Variants in RABGAP1L observed in about 807,000 individuals in gnomAD.
The protein encoded by RABGAP1L is rab GTPase-activating protein 1-like.
In RABGAP1L, 63 loss-of-function variants were observed where a neutral mutation model predicts 137.7. The ratio of observed to expected loss-of-function variants is 0.46; its 90% CI spans 0.37 to 0.56. The LOEUF is 0.56. Among genes scored for constraint, RABGAP1L ranks in the 20% least tolerant of loss-of-function variants. The pLI, the probability that RABGAP1L is intolerant of heterozygous loss-of-function variation, is 0.00. For missense variants in RABGAP1L, 1,095 were observed against 1,244.0 expected, an observed-to-expected ratio of 0.88 and a Z score of 1.80; for synonymous variants, 431 against 433.7, an observed-to-expected ratio of 0.99 and a Z score of 0.08.
At chr1:174,870,850 G>A (rs556403772) in intron 19 of RABGAP1L, among the ~76,000 whole-genome samples, 1 of 150,630 alleles carries the variant, frequency 6.6e-6, no homozygotes, top group African/African-American at 2.4e-5. Context: ...CCATTCTCCT[G>A]CCTCAGCCTC....
At chr1:174,804,173 T>C (rs928563597) in intron 18 of RABGAP1L, among the ~76,000 whole-genome samples, 38 of 151,812 alleles carry the variant, frequency 2.5e-4, no homozygotes, top group Non-Finnish European at 4.3e-4. Context: ...TCTGTAAGTG[T>C]GTGATATTTG....
intron 21 of RABGAP1L, among the ~76,000 whole-genome samples, chr1:174,971,274 AAAT>A (rs1167051471): frequency 6.6e-6 from 1 of 150,992 alleles, no homozygotes; most frequent in East Asian, 1.9e-4. Flanking sequence ...ATATAATACT[AAAT>A]AATATATATA....
chr1:174,503,963 C>CT (rs201017645), intron 13 of RABGAP1L, among the ~76,000 whole-genome samples: 5,147 of 116,142 alleles, frequency 0.044, 116 homozygotes, highest in Middle Eastern at 0.099. Flanking sequence ...TCAATAGACT[C>CT]TTTTTTTTTT....
chr1:174,706,080 C>T (rs444678), intron 17 of RABGAP1L, among the ~76,000 whole-genome samples: 88,346 of 151,968 alleles, frequency 0.58, 27,987 homozygotes, highest in African/African-American at 0.85. Context: ...AAGAAAGACA[C>T]TGAGTTTGAA....
intron 19 of RABGAP1L, among the ~76,000 whole-genome samples, chr1:174,900,704 G>T (rs1447608671): frequency 1.3e-5 from 2 of 152,240 alleles, no homozygotes; most frequent in South Asian, 4.2e-4. Context: ...ATTTTTAGTA[G>T]AGACAGGGTT....
intron 11 of RABGAP1L, among the ~76,000 whole-genome samples, chr1:174,317,242 T>A (rs61828624): frequency 0.11 from 16,375 of 151,868 alleles, 987 homozygotes; most frequent in East Asian, 0.22. Flanking sequence ...CTACAGCTAG[T>A]AATGTGCTGA....
chr1:174,561,987 A>G (rs1667248300), intron 13 of RABGAP1L, among the ~76,000 whole-genome samples: 1 of 152,242 alleles, frequency 6.6e-6, no homozygotes, highest in African/African-American at 2.4e-5. Flanking sequence ...ATGGCAACAA[A>G]AGCCAAAATT....
At chr1:174,766,101 T>C (rs926649763) in intron 18 of RABGAP1L, among the ~76,000 whole-genome samples, 1 of 152,122 alleles carries the variant, frequency 6.6e-6, no homozygotes, top group Non-Finnish European at 1.5e-5. Flanking sequence ...GACACAGACA[T>C]GTATGGAGAG....
chr1:174,946,953 T>G (rs1666950456), intron 19 of RABGAP1L, among the ~76,000 whole-genome samples: 1 of 114,366 alleles, frequency 8.7e-6, no homozygotes, highest in South Asian at 3.0e-4. Context: ...TGTGTGTGTG[T>G]GTGTGTGTGT....
At chr1:174,478,297 A>T (rs1195289001) in intron 13 of RABGAP1L, among the ~76,000 whole-genome samples, 2 of 151,462 alleles carry the variant, frequency 1.3e-5, no homozygotes, top group South Asian at 4.2e-4. Context: ...TTGAGACAGG[A>T]TCTCAGTCTG....
intron 13 of RABGAP1L, among the ~76,000 whole-genome samples, chr1:174,539,964 G>A (rs1231429502): frequency 2.0e-5 from 3 of 152,126 alleles, no homozygotes; most frequent in Non-Finnish European, 2.9e-5. Context: ...ATTGTTTCCT[G>A]ACTTTTTAAT....
At chr1:174,816,734 C>CTT (rs59080997) in intron 19 of RABGAP1L, among the ~76,000 whole-genome samples, 2,502 of 138,206 alleles carry the variant, frequency 0.018, 55 homozygotes, top group Non-Finnish European at 0.028. Flanking sequence ...AGAAACAAGT[C>CTT]TTTTTTTTTT....
chr1:174,344,017 G>A (rs1273925833), intron 11 of RABGAP1L, among the ~76,000 whole-genome samples: 12 of 152,154 alleles, frequency 7.9e-5, no homozygotes. Context: ...ACTGACAGCA[G>A]CTTTACTTGG....
In RABGAP1L at chr1:174,609,358, A is replaced by C. The variant is rs115466183; in HGVS notation, c.1711-28017A>C. Reference sequence around the variant, plus strand: ...TGCATTTTCTTTCTTTTTATTACAAATTCAGACTTTAAAATTGTTCTCTTA... The same window carrying C: ...TGCATTTTCTTTCTTTTTATTACAACTTCAGACTTTAAAATTGTTCTCTTA... On this transcript the variant is annotated intron_variant, in intron 13 of 25. Transcript: ENST00000681986. Among the ~76,000 whole-genome samples, 382 of 152,320 alleles carry C rather than the reference A, an allele frequency of 2.5e-3. 3 individuals are homozygous for C. Among genetic ancestry groups the C allele is most frequent in the African/African-American group, 8.9e-3 (371 of 41,570 alleles).
chr1:174,969,153 A>T, intron 20 of RABGAP1L, 124 bp from the exon 21 acceptor site: 1 of 698,892 alleles, frequency 1.4e-6, no homozygotes, highest in Non-Finnish European at 2.5e-6. Flanking sequence ...TTCCTGTGCC[A>T]CTTGCGCCTT....
chr1:174,643,939 G>A lies in RABGAP1L; in HGVS notation c.1824+6451G>A, dbSNP rs796924647. 4.7e-5 allele frequency among the ~76,000 whole-genome samples: 7 copies of A among 150,174 alleles called. 1 individual carries two copies. The highest frequency in any genetic ancestry group is 7.4e-5 in the African/African-American group (3 of 40,570). The stretch of plus-strand genomic sequence containing the variant: ...GGGGTGTGTGTGTGTGTGTGTGTGT[G>A]TGTATGTATGTATGTATGTATGTAT... On this transcript the variant is annotated intron_variant, in intron 14 of 25. Coordinates refer to ENST00000681986, the MANE Select transcript of RABGAP1L (RefSeq NM_001366446.1).
At chr1:174,862,153 G>T (rs1208581783) in intron 19 of RABGAP1L, among the ~76,000 whole-genome samples, 1 of 152,094 alleles carries the variant, frequency 6.6e-6, no homozygotes, top group Admixed American at 6.6e-5. Flanking sequence ...TCATTCTCTT[G>T]CATGTGGAGA....
rs71117562 is a variant in RABGAP1L at position 174,366,778 on chromosome 1, GAAAAAAAAAAAAA to G, written c.1466-4184_1466-4172del. On this transcript the variant is annotated intron_variant, in intron 11 of 25. Transcript: ENST00000681986. The stretch of plus-strand genomic sequence containing the variant: ...TGACAGAGCCAGACTCCGTCTCCAG[GAAAAAAAAAAAAA>G]AAAAAAAAAAAAAAAAGAAGTTTAG... 8.3e-4 allele frequency among the ~76,000 whole-genome samples: 79 copies of G among 94,816 alleles called. 2 individuals carry two copies. The highest frequency in any genetic ancestry group is 4.4e-3 in the East Asian group (11 of 2,480). The allele number at this position is 94,816 out of a possible 152,430, so 62.2% of individuals were successfully genotyped here. A position where few individuals can be genotyped will look rare whatever the true frequency, so the allele number is the denominator to read the frequency against.
intron 17 of RABGAP1L, among the ~76,000 whole-genome samples, chr1:174,743,324 TG>T (rs948040724): frequency 3.3e-5 from 5 of 152,348 alleles, no homozygotes; most frequent in African/African-American, 9.6e-5. Context: ...TACTTTTTTT[TG>T]AGAGACCTGA....
Sources: gnomAD v4.1 joint callset for allele counts (sites outside exome capture counted in the v4.1 genomes callset) on GRCh38, gnomAD v4.1.1 for gene constraint, MANE v1.5 for transcripts, NCBI Gene and HGNC (gene_info 2026-07-23, HGNC 2026-07-21) for gene names.